The following LMX1B variants were observed in gnomAD, a reference collection of about 807,000 sequenced individuals.
The protein encoded by LMX1B is LIM homeobox transcription factor 1-beta.
A neutral mutation model predicts 51.4 loss-of-function variants in LMX1B; 12 were observed. The ratio of observed to expected loss-of-function variants is 0.23; its 90% CI spans 0.15 to 0.38. LMX1B has a LOEUF of 0.38. Ranked by LOEUF, LMX1B falls within the 10% of genes least tolerant of loss-of-function variation. The pLI, the probability that LMX1B is intolerant of heterozygous loss-of-function variation, is 1.00. For missense variants in LMX1B, 445 were observed against 571.1 expected (o/e 0.78, Z 2.25); for synonymous variants, 237 against 235.4 (o/e 1.01, Z -0.06).
chr9:126,648,925 C>T (rs1332497770), intron 2 of LMX1B, among the ~76,000 whole-genome samples: 1 of 152,132 alleles, frequency 6.6e-6, no homozygotes, highest in African/African-American at 2.4e-5. Flanking sequence ...GGCCATGCCG[C>T]ACGGGAAGCT....
chr9:126,687,773 A>C (rs2029961397), intron 2 of LMX1B, among the ~76,000 whole-genome samples: 1 of 152,200 alleles, frequency 6.6e-6, no homozygotes, highest in Admixed American at 6.5e-5. Flanking sequence ...TGGTGGGACA[A>C]GGCATGGAAC....
Position 126,699,322 on chromosome 9 carries a change from C to A in LMX1B, c.*2871C>A, listed in dbSNP as rs1004325945. The A allele has an allele frequency of 6.6e-6, 1 of 152,238 alleles. No individual in the cohort carries two copies. The highest frequency in any genetic ancestry group is 6.5e-5 in the Admixed American group (1 of 15,286). The allele number at this position is 152,238 out of a possible 1,614,324, so 9.4% of individuals were successfully genotyped here. A position where few individuals can be genotyped will look rare whatever the true frequency, so the allele number is the denominator to read the frequency against. On this transcript the variant is annotated 3_prime_UTR_variant, in exon 8 of 8. Transcript: ENST00000373474. ...TCCCCTGTGGTTTGTGAATGACCTC[C>A]AGGTCAGGGGGTCACAACTTGTTCT... is the stretch of plus-strand genomic sequence containing the variant.
At chr9:126,665,012 A>G (rs1836316531) in intron 2 of LMX1B, among the ~76,000 whole-genome samples, 1 of 152,238 alleles carries the variant, frequency 6.6e-6, no homozygotes, top group South Asian at 2.1e-4. Flanking sequence ...GAAGCATTAA[A>G]CACAGGGATG....
At chr9:126,633,715 T>C (rs1264677062) in intron 2 of LMX1B, among the ~76,000 whole-genome samples, 2 of 152,224 alleles carry the variant, frequency 1.3e-5, no homozygotes, top group Non-Finnish European at 2.9e-5. Flanking sequence ...CTGACATGGT[T>C]ATACAGCACG....
At chr9:126,652,739 A>C (rs919125949) in intron 2 of LMX1B, among the ~76,000 whole-genome samples, 1 of 152,114 alleles carries the variant, frequency 6.6e-6, no homozygotes, top group African/African-American at 2.4e-5. Flanking sequence ...TGCCAATCCC[A>C]CCCATGTCCT....
intron 2 of LMX1B, among the ~76,000 whole-genome samples, chr9:126,617,280 C>G (rs1218477638): frequency 6.6e-6 from 1 of 152,012 alleles, no homozygotes; most frequent in Non-Finnish European, 1.5e-5. Flanking sequence ...TGATCCCGAG[C>G]TCTGGCAGTG....
rs1453776336 is a variant in LMX1B at position 126,690,847 on chromosome 9, C to T, written c.338C>T (p.Ala113Val). The change falls in exon 3 of 8, where the codon GCC becomes GTC. Residue 113 changes from alanine (A) to valine (V), a missense_variant. By Grantham distance (64) the Ala-to-Val change is moderately conservative (BLOSUM62 0). This residue lies in a region of LMX1B where 273 missense variants were observed against 343.3 expected (regional missense o/e 0.80). Coordinates refer to ENST00000373474, the MANE Select transcript of LMX1B (RefSeq NM_001174147.2). ...CKQDYQQLFA[A>V]KCSGCMEKIA... ...TTGTGCATCCGCAGGCTCTTCGCGGCCAAGTGCAGCGGCTGCATGGAGAAG... is the reference window on the plus strand; with the variant it reads ...TTGTGCATCCGCAGGCTCTTCGCGGTCAAGTGCAGCGGCTGCATGGAGAAG... 1 of 1,610,794 alleles carries T rather than the reference C, an allele frequency of 6.2e-7. No homozygotes were observed.
chr9:126,647,837 G>A (rs991179607), intron 2 of LMX1B, among the ~76,000 whole-genome samples: 2 of 152,216 alleles, frequency 1.3e-5, no homozygotes, highest in Non-Finnish European at 2.9e-5. Flanking sequence ...GAGAAGCCTC[G>A]AGCAGCCAGC....
At position 126,696,383 on chromosome 9, in the gene LMX1B, C is replaced by T. The variant is rs1588309897; in HGVS notation, c.1141C>T (p.Leu381=). Reference sequence around the variant, plus strand: ...CCTCGGCTCCTCAGACGTGGGCTCCCTGCAGGCCCGCGTGGGGAACCCCAT... The same window carrying T: ...CCTCGGCTCCTCAGACGTGGGCTCCTTGCAGGCCCGCGTGGGGAACCCCAT... The part of the protein sequence containing the change: ...CFLGSSDVGS[L]QARVGNPIDR... The change falls in exon 8 of 8, where the codon CTG becomes TTG. Residue 381 remains leucine, a synonymous_variant. Transcript: ENST00000373474. 5 of 1,614,134 alleles carry T rather than the reference C, an allele frequency of 3.1e-6. No individual in the cohort carries two copies. The highest frequency in any genetic ancestry group is 2.2e-5 in the East Asian group (1 of 44,874).
intron 2 of LMX1B, among the ~76,000 whole-genome samples, chr9:126,647,178 A>C (rs952700325): frequency 6.6e-6 from 1 of 151,996 alleles, no homozygotes; most frequent in Non-Finnish European, 1.5e-5. Flanking sequence ...TAGCCACTGC[A>C]CTCCAGCCTG....
Position 126,700,522 on chromosome 9 carries a change from C to T in LMX1B, c.*4071C>T, listed in dbSNP as rs552608065. 6.6e-6 allele frequency: 1 copy of T among 152,522 alleles called. No homozygotes were observed. The highest frequency in any genetic ancestry group is 1.9e-4 in the East Asian group (1 of 5,194). 9.4% of individuals were successfully genotyped at this position (152,522 alleles called of 1,614,324 possible). A position where few individuals can be genotyped will look rare whatever the true frequency, so the allele number is the denominator to read the frequency against. ...GGCACCACCTAGGGTGAGGGAGAGC[C>T]TGCAGCTCTGGGGCTAAGTCTGCCC... On this transcript the variant is annotated 3_prime_UTR_variant, in exon 8 of 8. Transcript: ENST00000373474.
chr9:126,663,295 C>T (rs1191685941), intron 2 of LMX1B, among the ~76,000 whole-genome samples: 1 of 151,860 alleles, frequency 6.6e-6, no homozygotes, highest in Non-Finnish European at 1.5e-5. Flanking sequence ...AGGCATGATG[C>T]ATGCCTGTAG....
At chr9:126,647,186 C>T (rs1316187734) in intron 2 of LMX1B, among the ~76,000 whole-genome samples, 2 of 151,820 alleles carry the variant, frequency 1.3e-5, no homozygotes. Context: ...GCACTCCAGC[C>T]TGAGCAACAG....
chr9:126,685,158 A>G (rs184069230), intron 2 of LMX1B, among the ~76,000 whole-genome samples: 1 of 152,308 alleles, frequency 6.6e-6, no homozygotes, highest in Admixed American at 6.5e-5. Context: ...AGAGGAGGTG[A>G]CACTTGAATT....
At chr9:126,660,904 C>T (rs766855601) in intron 2 of LMX1B, among the ~76,000 whole-genome samples, 11 of 152,156 alleles carry the variant, frequency 7.2e-5, no homozygotes, top group Admixed American at 2.0e-4. Flanking sequence ...TTTTGGGAGA[C>T]GCCATGATAG....
chr9:126,666,009 C>T (rs948090469), intron 2 of LMX1B, among the ~76,000 whole-genome samples: 30 of 152,398 alleles, frequency 2.0e-4, no homozygotes, highest in African/African-American at 6.7e-4. Flanking sequence ...AGCTCCTACG[C>T]AGAGGTTCCC....
intron 2 of LMX1B, among the ~76,000 whole-genome samples, chr9:126,619,361 A>G (rs1193849108): frequency 6.6e-6 from 1 of 152,022 alleles, no homozygotes; most frequent in African/African-American, 2.4e-5. Context: ...TTCTCTGGCT[A>G]CTTCTTCTGC....
intron 2 of LMX1B, among the ~76,000 whole-genome samples, chr9:126,674,937 A>T (rs1158931461): frequency 6.6e-6 from 1 of 152,202 alleles, no homozygotes; most frequent in East Asian, 1.9e-4. Flanking sequence ...GGCTCTTGAG[A>T]TTAAGACAAA....
Position 126,652,297 on chromosome 9 carries a change from G to C in LMX1B, c.326+36728G>C, listed in dbSNP as rs966715280. 4.9e-5 allele frequency among the ~76,000 whole-genome samples: 4 copies of C among 82,088 alleles called. No individual in the cohort carries two copies. The East Asian group carries it at 2.1e-3, about 43-fold the overall frequency. The allele number at this position is 82,088 out of a possible 152,430, so 53.9% of individuals were successfully genotyped here. A position where few individuals can be genotyped will look rare whatever the true frequency, so the allele number is the denominator to read the frequency against. The stretch of plus-strand genomic sequence containing the variant: ...AGCAGCAGGAGTCTGAGGAGGAGAA[G>C]GGGGGGGGGATTTTCTCTTTCTTCC... On this transcript the variant is annotated intron_variant, in intron 2 of 7. Coordinates refer to ENST00000373474, the MANE Select transcript of LMX1B (RefSeq NM_001174147.2).
Sources: gnomAD v4.1 joint callset for allele counts (sites outside exome capture counted in the v4.1 genomes callset) on GRCh38, gnomAD v4.1.1 for gene constraint, gnomAD v4.1.1 regional missense constraint, MANE v1.5 for transcripts, NCBI Gene and HGNC (gene_info 2026-07-23, HGNC 2026-07-21) for gene names.